Variants in SLC3A2 observed in about 807,000 individuals in gnomAD.
SLC3A2 encodes the protein solute carrier family 3 member 2, also known as amino acid transporter heavy chain SLC3A2.
In SLC3A2, 32 loss-of-function variants were observed where a neutral mutation model predicts 48.5. That is an observed-to-expected ratio of 0.66 (90% CI 0.50 to 0.89). The LOEUF (loss-of-function observed/expected upper bound fraction) is 0.89, where lower values mean the gene tolerates loss of function less well. SLC3A2 is among the 40% of genes least tolerant of loss of function. The probability of loss-of-function intolerance (pLI) is 0.00; values close to 1 mark genes in which losing one functional copy is unlikely to be tolerated. For synonymous variants in SLC3A2, 277 were observed against 288.8 expected (o/e 0.96, Z 0.41); for missense variants, 587 against 680.7 (o/e 0.86, Z 1.53).
At chr11:62,884,734 AC>A (rs756160397) in intron 5 of SLC3A2, 44 bp downstream of exon 5, 3 of 1,513,126 alleles carry the variant, frequency 2.0e-6, no homozygotes, top group Non-Finnish European at 2.7e-6. Flanking sequence ...CAATGTGGGA[AC>A]CCCTCAGTGG....
intron 5 of SLC3A2, among the ~76,000 whole-genome samples, chr11:62,884,924 T>G (rs1387693685): frequency 7.1e-6 from 1 of 141,336 alleles, no homozygotes; most frequent in Non-Finnish European, 1.5e-5. Context: ...CTCTGCCTCC[T>G]GGGTTCAAGC....
intron 1 of SLC3A2, among the ~76,000 whole-genome samples, chr11:62,871,875 C>G (rs1232604407): frequency 6.6e-6 from 1 of 151,788 alleles, no homozygotes; most frequent in Non-Finnish European, 1.5e-5. Flanking sequence ...GTTTGGGGAG[C>G]ACTAATTTCT....
intron 1 of SLC3A2, among the ~76,000 whole-genome samples, chr11:62,868,566 C>T (rs2085477711): frequency 6.6e-6 from 1 of 151,796 alleles, no homozygotes; most frequent in Non-Finnish European, 1.5e-5. Context: ...GGGGTTTCAC[C>T]ATGTTAGCCA....
upstream of SLC3A2, among the ~76,000 whole-genome samples, chr11:62,877,911 C>A (rs898607818): frequency 6.6e-6 from 1 of 152,182 alleles, no homozygotes; most frequent in Non-Finnish European, 1.5e-5. Flanking sequence ...AATCCCAGCA[C>A]TTTGGGAGGC....
Position 62,871,520 on chromosome 11 carries a change from G to T in SLC3A2, c.113-9499G>T, listed in dbSNP as rs1315680075. 3 of 562,400 alleles carry T rather than the reference G, an allele frequency of 5.3e-6. No homozygotes were observed. The East Asian group carries it at 1.0e-4, about 20-fold the overall frequency. 34.8% of individuals were successfully genotyped at this position (562,400 alleles called of 1,614,324 possible). ...CTCCCAAAGTGCTGGGATTACAGGC[G>T]TGAGCCACTGTGCCCAACCATACTT... is the stretch of plus-strand genomic sequence containing the variant. On this transcript the variant is annotated intron_variant, in intron 1 of 9. Transcript: ENST00000377889.
intron 7 of SLC3A2, among the ~76,000 whole-genome samples, chr11:62,886,268 G>A (rs1486433653): frequency 3.3e-5 from 5 of 151,108 alleles, no homozygotes; most frequent in East Asian, 1.9e-4. Flanking sequence ...TAGCCTGGGC[G>A]GCAGAGGGAG....
At chr11:62,858,507 A>G (rs1466236718) in intron 1 of SLC3A2, among the ~76,000 whole-genome samples, 1 of 152,168 alleles carries the variant, frequency 6.6e-6, no homozygotes, top group Non-Finnish European at 1.5e-5. Context: ...ACCTGAGGTC[A>G]GGAGTTAGAG....
At chr11:62,880,895 C>CAGAT, upstream of SLC3A2, 1 of 1,437,854 alleles carries the variant, frequency 7.0e-7, no homozygotes, top group East Asian at 2.5e-5. Context: ...TGCTGCTGAG[C>CAGAT]AGATGCAGTA....
chr11:62,871,361 C>T, intron 1 of SLC3A2, among the ~76,000 whole-genome samples: 1 of 151,052 alleles, frequency 6.6e-6, no homozygotes, highest in East Asian at 1.9e-4. Context: ...GCCTCAGCCT[C>T]CCAAATAGCT....
At chr11:62,871,482 C>T (rs955479740) in intron 1 of SLC3A2, 3 of 425,428 alleles carry the variant, frequency 7.1e-6, no homozygotes, top group Non-Finnish European at 1.2e-5. Context: ...TCAGGTTATC[C>T]GCCCGTCTCG....
intron 1 of SLC3A2, among the ~76,000 whole-genome samples, chr11:62,873,321 C>G (rs933701294): frequency 6.6e-6 from 1 of 151,910 alleles, no homozygotes. Flanking sequence ...AACCCCGTCT[C>G]TACTAAAAAT....
upstream of SLC3A2, among the ~76,000 whole-genome samples, chr11:62,879,086 GA>G (rs2085601944): frequency 1.3e-5 from 2 of 151,164 alleles, no homozygotes; most frequent in Non-Finnish European, 1.5e-5. Context: ...TAGTTTTTTT[GA>G]GGCAGAGTCT....
At chr11:62,884,179 G>T in intron 3 of SLC3A2, 1 of 566,268 alleles carries the variant, frequency 1.8e-6, no homozygotes, top group Middle Eastern at 3.0e-4. Flanking sequence ...TTTCTCTGGG[G>T]CCTTTTCTGT....
At chr11:62,871,714 T>A (rs1485637542) in intron 1 of SLC3A2, 4 of 549,826 alleles carry the variant, frequency 7.3e-6, no homozygotes, top group Non-Finnish European at 1.3e-5. Flanking sequence ...TCTGGTAGAA[T>A]TTGTCTTTAA....
intron 1 of SLC3A2, among the ~76,000 whole-genome samples, chr11:62,858,222 C>A (rs1565241509): frequency 6.6e-6 from 1 of 152,062 alleles, no homozygotes; most frequent in Non-Finnish European, 1.5e-5. Flanking sequence ...TAGGGGTCTC[C>A]AACTCACGTA....
upstream of SLC3A2, chr11:62,880,812 G>A: frequency 2.8e-6 from 3 of 1,053,766 alleles, no homozygotes; most frequent in Non-Finnish European, 3.9e-6. Context: ...CCACGGCTGG[G>A]GCAGTCCCCG....
intron 1 of SLC3A2, among the ~76,000 whole-genome samples, chr11:62,874,499 A>C (rs1382371338): frequency 6.6e-6 from 1 of 152,108 alleles, no homozygotes; most frequent in Non-Finnish European, 1.5e-5. Context: ...CTAAGAGATG[A>C]CTTTGGTTCT....
At chr11:62,886,440 G>A in intron 7 of SLC3A2, 1 of 151,872 alleles carries the variant, frequency 6.6e-6, no homozygotes, top group Non-Finnish European at 1.5e-5. Context: ...TTTTAAGACA[G>A]CATTTCCCTA....
In SLC3A2 at chr11:62,885,487, C is replaced by A. The variant is rs765835967; in HGVS notation, c.1022C>A (p.Thr341Asn). 6.2e-7 allele frequency: 1 copy of A among 1,614,204 alleles called. No homozygotes were observed. The highest frequency in any genetic ancestry group is 1.7e-5 in the Admixed American group (1 of 60,020). The change falls in exon 7 of 9, where the codon ACT (threonine) becomes AAT (asparagine). Residue 341 changes from threonine (T) to asparagine (N), a missense_variant. Around this residue, in one of 3 missense-constraint regions of SLC3A2, gnomAD observed 409 missense variants for 446.7 expected, o/e 0.92. Coordinates refer to ENST00000338663, the MANE Select transcript of SLC3A2 (RefSeq NM_001013251.3). The stretch of plus-strand genomic sequence containing the variant: ...TAGTTGTCTCAGGCAAGGCTCCTGA[C>A]TTCCTTCTTGCCGGCTCAACTTCTC... ...SWSLSQARLL[T>N]SFLPAQLLRL... is the part of the protein sequence containing the mutation.
Sources: gnomAD v4.1 joint callset for allele counts (sites outside exome capture counted in the v4.1 genomes callset) on GRCh38, gnomAD v4.1.1 for gene constraint, gnomAD v4.1.1 regional missense constraint, MANE v1.5 for transcripts, NCBI Gene and HGNC (gene_info 2026-07-23, HGNC 2026-07-21) for gene names.